VTI1A: variants seen among roughly 807,000 people sequenced by gnomAD.
VTI1A encodes the protein vesicle transport through interaction with t-SNAREs homolog 1A.
VTI1A carries 22 observed loss-of-function variants against 34.9 expected under a neutral mutation model. The observed-to-expected ratio is 0.63, with a 90% confidence interval of 0.45 to 0.90. The LOEUF is 0.90. Among genes scored for constraint, VTI1A ranks in the 40% least tolerant of loss-of-function variants. The probability of loss-of-function intolerance (pLI) is 0.00; values close to 1 mark genes in which losing one functional copy is unlikely to be tolerated. For synonymous variants in VTI1A, 87 were observed against 97.3 expected (o/e 0.89, Z 0.62); for missense variants, 268 against 275.6 (o/e 0.97, Z 0.20).
intron 7 of VTI1A, among the ~76,000 whole-genome samples, chr10:112,719,269 T>A (rs539957946): frequency 1.9e-4 from 29 of 152,302 alleles, no homozygotes; most frequent in African/African-American, 7.0e-4. Flanking sequence ...ATCTCCTCCT[T>A]GAAAAATGAT....
chr10:112,714,992 A>G (rs1410343470), intron 7 of VTI1A, among the ~76,000 whole-genome samples: 1 of 152,172 alleles, frequency 6.6e-6, no homozygotes, highest in Non-Finnish European at 1.5e-5. Context: ...AAACTTACCC[A>G]TCACATTTGA....
intron 5 of VTI1A, among the ~76,000 whole-genome samples, chr10:112,594,071 G>A (rs1221199751): frequency 2.6e-5 from 4 of 152,072 alleles, no homozygotes; most frequent in Admixed American, 1.3e-4. Context: ...CACCATGCCC[G>A]GCTAATTTTT....
chr10:112,581,109 A>G (rs1843915243), intron 5 of VTI1A, among the ~76,000 whole-genome samples: 1 of 152,168 alleles, frequency 6.6e-6, no homozygotes, highest in South Asian at 2.1e-4. Flanking sequence ...TCTGGGTTCC[A>G]GTTAGGTCAC....
At chr10:112,712,474 T>TCACACACACACACACACACA (rs60129148) in intron 7 of VTI1A, among the ~76,000 whole-genome samples, 23 of 143,488 alleles carry the variant, frequency 1.6e-4, no homozygotes, top group African/African-American at 5.5e-4. Context: ...TCAACTATTA[T>TCACACACACACACACACACA]CACACACACA....
intron 7 of VTI1A, among the ~76,000 whole-genome samples, chr10:112,763,777 T>C (rs1198837255): frequency 6.6e-6 from 1 of 152,178 alleles, no homozygotes; most frequent in Non-Finnish European, 1.5e-5. Flanking sequence ...AAAATGCACA[T>C]CGAGGTCATT....
At chr10:112,552,019 T>C (rs1314635450) in intron 5 of VTI1A, among the ~76,000 whole-genome samples, 1 of 152,346 alleles carries the variant, frequency 6.6e-6, no homozygotes, top group Non-Finnish European at 1.5e-5. Flanking sequence ...TAGACAGATA[T>C]GTAATTATTT....
At chr10:112,738,946 G>A (rs977422296) in intron 7 of VTI1A, among the ~76,000 whole-genome samples, 1 of 152,126 alleles carries the variant, frequency 6.6e-6, no homozygotes, top group Non-Finnish European at 1.5e-5. Context: ...CACGTTCCAC[G>A]GCCTGAACTC....
At chr10:112,596,667 A>G (rs1395676325) in intron 5 of VTI1A, among the ~76,000 whole-genome samples, 1 of 152,150 alleles carries the variant, frequency 6.6e-6, no homozygotes, top group African/African-American at 2.4e-5. Context: ...TCCTTTCCCT[A>G]AACCTTCTCT....
chr10:112,749,767 G>A (rs1053273208), intron 7 of VTI1A, among the ~76,000 whole-genome samples: 8 of 152,146 alleles, frequency 5.3e-5, no homozygotes, highest in African/African-American at 1.9e-4. Context: ...AAGACTTCAA[G>A]AAAAATCCTT....
chr10:112,458,597 G>C (rs547968698), intron 1 of VTI1A, among the ~76,000 whole-genome samples: 2 of 151,972 alleles, frequency 1.3e-5, no homozygotes, highest in African/African-American at 2.4e-5. Flanking sequence ...AAGATTAGTA[G>C]AATCTACTAA....
At chr10:112,534,119 T>G (rs1850541614) in intron 4 of VTI1A, among the ~76,000 whole-genome samples, 1 of 152,144 alleles carries the variant, frequency 6.6e-6, no homozygotes, top group Admixed American at 6.5e-5. Context: ...TTAAACACTT[T>G]GCTTTTTGTA....
the VTI1A span, among the ~76,000 whole-genome samples, chr10:112,852,946 T>C: frequency 2.8e-4 from 43 of 151,754 alleles, no homozygotes; most frequent in Middle Eastern, 6.8e-3. Context: ...ACCCAGCTAA[T>C]TTTTTTTTAA....
chr10:112,733,171 T>G (rs1292964386), intron 7 of VTI1A, among the ~76,000 whole-genome samples: 1 of 152,260 alleles, frequency 6.6e-6, no homozygotes, highest in African/African-American at 2.4e-5. Context: ...ATGGTGTTTT[T>G]GGGTTTTGGT....
intron 7 of VTI1A, among the ~76,000 whole-genome samples, chr10:112,793,111 C>T (rs945351678): frequency 6.6e-6 from 1 of 152,180 alleles, no homozygotes; most frequent in East Asian, 1.9e-4. Flanking sequence ...TTAAGGAAGC[C>T]AGTGTTATTT....
the VTI1A span, among the ~76,000 whole-genome samples, chr10:112,841,325 C>G: frequency 6.6e-6 from 1 of 152,120 alleles, no homozygotes; most frequent in Non-Finnish European, 1.5e-5. Flanking sequence ...GTGCATCATC[C>G]CATGTATGAA....
chr10:112,798,463 C>T (rs1413394233), intron 7 of VTI1A, among the ~76,000 whole-genome samples: 2 of 152,108 alleles, frequency 1.3e-5, no homozygotes, highest in Non-Finnish European at 1.5e-5. Flanking sequence ...AAGGGAGTGT[C>T]CCCAAAGAAT....
rs148089195 is a variant in VTI1A, at chr10:112,493,362, T to C, written c.264+28705T>C. ...TAATATTTCAAGTAGTTTTCTTTGT[T>C]GATTCTTCTGGATTTTCTACATAAA... On this transcript the variant is annotated intron_variant, in intron 3 of 7. Coordinates refer to ENST00000393077, the MANE Select transcript of VTI1A (RefSeq NM_145206.4). Among the ~76,000 whole-genome samples the C allele has an allele frequency of 7.5e-3, 1,142 of 152,290 alleles. 8 individuals are homozygous for C. The highest frequency in any genetic ancestry group is 0.017 in the Middle Eastern group (5 of 294).
rs555158586 is a variant in VTI1A, at chr10:112,641,415, G to A, written c.428-26803G>A. ...TTGAGGACCTTTCCCCACTCGCCGC[G>A]GCTAGGAAACTGGGGGATTTGGAGG... On this transcript the variant is annotated intron_variant, in intron 5 of 7. Coordinates refer to ENST00000393077, the MANE Select transcript of VTI1A (RefSeq NM_145206.4). Among the ~76,000 whole-genome samples, 20 of 152,188 alleles carry A rather than the reference G, an allele frequency of 1.3e-4. No individual in the cohort carries two copies. In the South Asian group the frequency reaches 3.9e-3, roughly 30 times the overall value.
chr10:112,447,575 G>A, intron 1 of VTI1A, 108 bp downstream of exon 1: 3 of 1,295,630 alleles, frequency 2.3e-6, no homozygotes, highest in Non-Finnish European at 3.2e-6. Flanking sequence ...GCTGGAGTGG[G>A]TGGTGCCGGC....
Sources: allele counts gnomAD v4.1 joint callset (sites outside exome capture counted in the v4.1 genomes callset), GRCh38; gene constraint gnomAD v4.1.1; transcripts MANE v1.5; gene names NCBI Gene and HGNC (gene_info 2026-07-23, HGNC 2026-07-21).